Variants in CSMD1 observed in about 807,000 individuals in gnomAD.
The protein encoded by CSMD1 is CUB and Sushi multiple domains 1, also known as CUB and sushi domain-containing protein 1.
CSMD1 carries 213 observed loss-of-function variants against 417.5 expected under a neutral mutation model. The ratio of observed to expected loss-of-function variants is 0.51; its 90% CI spans 0.46 to 0.57. The LOEUF is 0.57. Ranked by LOEUF, CSMD1 falls within the 20% of genes least tolerant of loss-of-function variation. CSMD1 has a pLI of 0.00. For synonymous variants in CSMD1, 2,862 were observed against 1,736.8 expected, an observed-to-expected ratio of 1.65 and a Z score of -16.11; for missense variants, 6,923 against 4,529.7, an observed-to-expected ratio of 1.53 and a Z score of -15.17.
At chr8:4,943,905 C>A (rs1018510497) in intron 1 of CSMD1, among the ~76,000 whole-genome samples, 7 of 152,046 alleles carry the variant, frequency 4.6e-5, no homozygotes, top group Admixed American at 2.0e-4. Context: ...CGCAGAATTG[C>A]GGTGATGGAG....
At chr8:4,268,167 T>C (rs1346945603) in intron 3 of CSMD1, among the ~76,000 whole-genome samples, 1 of 152,136 alleles carries the variant, frequency 6.6e-6, no homozygotes, top group East Asian at 1.9e-4. Flanking sequence ...TCACAACAAC[T>C]TAATTTGGAC....
chr8:4,136,159 C>T (rs973914278), intron 3 of CSMD1, among the ~76,000 whole-genome samples: 2 of 152,132 alleles, frequency 1.3e-5, no homozygotes, highest in African/African-American at 4.8e-5. Context: ...ATACTGTTTT[C>T]TTAGAAAAGA....
At chr8:3,999,672 T>G (rs922867687) in intron 4 of CSMD1, among the ~76,000 whole-genome samples, 2 of 152,190 alleles carry the variant, frequency 1.3e-5, no homozygotes, top group Non-Finnish European at 2.9e-5. Context: ...CAGGCTGGTC[T>G]ACACACTAGG....
At chr8:4,963,140 T>C (rs528990036) in intron 1 of CSMD1, among the ~76,000 whole-genome samples, 1 of 152,184 alleles carries the variant, frequency 6.6e-6, no homozygotes, top group Non-Finnish European at 1.5e-5. Flanking sequence ...CTACAGGCAG[T>C]CAATTGCCCT....
Position 3,813,407 on chromosome 8 carries a change from C to G in CSMD1, c.819-59365G>C, listed in dbSNP as rs191254331. ...AGGAGATTTAAGGAGGTGATATTTT[C>G]CCTAGGGGCCTGTAAAAGAACTATT... On this transcript the variant is annotated intron_variant, in intron 5 of 69. Transcript: ENST00000635120. Among the ~76,000 whole-genome samples, 247 of 152,078 alleles carry G rather than the reference C, an allele frequency of 1.6e-3. 1 individual carries two copies. The highest frequency in any genetic ancestry group is 5.8e-3 in the African/African-American group (241 of 41,482).
chr8:4,836,433 T>A (rs979900882), intron 1 of CSMD1, among the ~76,000 whole-genome samples: 1 of 152,166 alleles, frequency 6.6e-6, no homozygotes, highest in Non-Finnish European at 1.5e-5. Context: ...GGGAAGAGAT[T>A]TGTCCAAATT....
At chr8:3,191,990 GA>G (rs1334559431) in intron 33 of CSMD1, among the ~76,000 whole-genome samples, 1 of 152,070 alleles carries the variant, frequency 6.6e-6, no homozygotes, top group African/African-American at 2.4e-5. Flanking sequence ...TGACACACTG[GA>G]ATCTGTTTTA....
intron 3 of CSMD1, among the ~76,000 whole-genome samples, chr8:4,052,010 C>G (rs565344738): frequency 1.3e-5 from 2 of 152,118 alleles, no homozygotes; most frequent in Non-Finnish European, 2.9e-5. Context: ...ACTGCAACCT[C>G]TGTCTCCCTG....
intron 1 of CSMD1, among the ~76,000 whole-genome samples, chr8:4,864,729 G>A (rs983767218): frequency 2.0e-5 from 3 of 151,656 alleles, no homozygotes; most frequent in Admixed American, 6.6e-5. Flanking sequence ...TAAAAAATTC[G>A]AAGTATATTT....
chr8:4,597,599 G>T (rs1470537486), intron 2 of CSMD1, among the ~76,000 whole-genome samples: 1 of 152,000 alleles, frequency 6.6e-6, no homozygotes, highest in Non-Finnish European at 1.5e-5. Flanking sequence ...ACACAGAAAT[G>T]AAAATGGAAT....
intron 1 of CSMD1, among the ~76,000 whole-genome samples, chr8:4,721,373 T>C (rs116478402): frequency 1.9e-3 from 295 of 152,260 alleles, no homozygotes; most frequent in African/African-American, 6.9e-3. Context: ...TAGACAAGTA[T>C]AAACTAAGAA....
chr8:4,072,241 G>A (rs565639673), intron 3 of CSMD1, among the ~76,000 whole-genome samples: 1 of 152,144 alleles, frequency 6.6e-6, no homozygotes, highest in Non-Finnish European at 1.5e-5. Flanking sequence ...GTGAAGAAGG[G>A]TTGAATCCCA....
intron 26 of CSMD1, among the ~76,000 whole-genome samples, chr8:3,256,557 C>CCCTTT (rs1800672079): frequency 1.3e-5 from 2 of 152,092 alleles, no homozygotes; most frequent in South Asian, 4.1e-4. Flanking sequence ...ATAATCTTGC[C>CCCTTT]CCTTTTGCTT....
chr8:4,596,690 C>A (rs888785677), intron 2 of CSMD1, among the ~76,000 whole-genome samples: 1 of 152,200 alleles, frequency 6.6e-6, no homozygotes, highest in African/African-American at 2.4e-5. Context: ...GGTCTAACTT[C>A]AGTTCATTCA....
chr8:3,494,300 A>T (rs1796269031), intron 10 of CSMD1, among the ~76,000 whole-genome samples: 1 of 152,134 alleles, frequency 6.6e-6, no homozygotes. Context: ...TCTGTACAAC[A>T]ATGGTTTATG....
At chr8:4,523,131 C>G (rs1486798687) in intron 2 of CSMD1, among the ~76,000 whole-genome samples, 2 of 152,126 alleles carry the variant, frequency 1.3e-5, no homozygotes, top group Admixed American at 6.5e-5. Context: ...CATTATACAT[C>G]CTTTGGTGCT....
chr8:3,147,118 C>T (rs914277072), intron 40 of CSMD1, among the ~76,000 whole-genome samples: 1 of 152,212 alleles, frequency 6.6e-6, no homozygotes, highest in Non-Finnish European at 1.5e-5. Context: ...AATCCCAAAA[C>T]TGTCAATCAA....
chr8:3,798,026 G>A (rs1271627689), intron 5 of CSMD1, among the ~76,000 whole-genome samples: 2 of 151,900 alleles, frequency 1.3e-5, no homozygotes, highest in African/African-American at 2.4e-5. Context: ...AAACTTTTCA[G>A]GTGCTTTTTT....
chr8:4,670,803 G>A (rs1373473420), intron 1 of CSMD1, among the ~76,000 whole-genome samples: 1 of 152,158 alleles, frequency 6.6e-6, no homozygotes, highest in Non-Finnish European at 1.5e-5. Flanking sequence ...TGTTTCATGT[G>A]CTCAGATGAA....
Sources: allele counts gnomAD v4.1 joint callset (sites outside exome capture counted in the v4.1 genomes callset), GRCh38; gene constraint gnomAD v4.1.1; transcripts MANE v1.5; gene names NCBI Gene and HGNC (gene_info 2026-07-23, HGNC 2026-07-21).